Variants in ATRNL1 observed in about 807,000 individuals in gnomAD.
The protein encoded by ATRNL1 is attractin like 1.
ATRNL1 carries 95 observed loss-of-function variants against 182.7 expected under a neutral mutation model. The ratio of observed to expected loss-of-function variants is 0.52; its 90% CI spans 0.44 to 0.62. The LOEUF (loss-of-function observed/expected upper bound fraction) is 0.62, where lower values mean the gene tolerates loss of function less well. Ranked by LOEUF, ATRNL1 falls within the 20% of genes least tolerant of loss-of-function variation. The probability of loss-of-function intolerance (pLI) is 0.00; values close to 1 mark genes in which losing one functional copy is unlikely to be tolerated. For missense variants in ATRNL1, 1,471 were observed against 1,679.5 expected (o/e 0.88, Z 2.17); for synonymous variants, 576 against 568.3 (o/e 1.01, Z -0.19).
At chr10:115,370,182 T>C (rs943476090) in intron 19 of ATRNL1, among the ~76,000 whole-genome samples, 4 of 152,362 alleles carry the variant, frequency 2.6e-5, no homozygotes, top group Non-Finnish European at 4.4e-5. Context: ...TGTAAGTCCA[T>C]TAAACCTCTT....
intron 19 of ATRNL1, among the ~76,000 whole-genome samples, chr10:115,357,146 G>C (rs1478721714): frequency 6.6e-6 from 1 of 151,824 alleles, no homozygotes; most frequent in Admixed American, 6.6e-5. Context: ...AATAAAAATG[G>C]TTCTTATGCC....
chr10:115,482,832 G>T (rs1400483139), intron 24 of ATRNL1, among the ~76,000 whole-genome samples: 6 of 151,150 alleles, frequency 4.0e-5, no homozygotes, highest in African/African-American at 1.5e-4. Flanking sequence ...AGGCATAAAA[G>T]AAGTTAGAGG....
chr10:115,627,282 A>G (rs938651732), intron 26 of ATRNL1, among the ~76,000 whole-genome samples: 4 of 152,162 alleles, frequency 2.6e-5, no homozygotes, highest in Non-Finnish European at 2.9e-5. Flanking sequence ...CATAAATAGA[A>G]TTACACAGTA....
At chr10:115,699,016 G>A (rs926534854) in intron 26 of ATRNL1, among the ~76,000 whole-genome samples, 1 of 151,896 alleles carries the variant, frequency 6.6e-6, no homozygotes, top group South Asian at 2.1e-4. Context: ...AACAAAAATG[G>A]CTATTTAGGA....
intron 10 of ATRNL1, among the ~76,000 whole-genome samples, chr10:115,250,228 T>C (rs1850816054): frequency 6.6e-6 from 1 of 152,204 alleles, no homozygotes; most frequent in Non-Finnish European, 1.5e-5. Context: ...AACTAGCTCA[T>C]GATTGCAAAC....
intron 26 of ATRNL1, among the ~76,000 whole-genome samples, chr10:115,662,421 G>T (rs535169365): frequency 6.6e-6 from 1 of 152,134 alleles, no homozygotes; most frequent in Admixed American, 6.5e-5. Flanking sequence ...CAGGGATCTA[G>T]AACTAGAAAT....
At chr10:115,754,934 G>T (rs781815944) in intron 27 of ATRNL1, among the ~76,000 whole-genome samples, 4 of 152,146 alleles carry the variant, frequency 2.6e-5, no homozygotes, top group Non-Finnish European at 5.9e-5. Flanking sequence ...TGTAGGAATT[G>T]TGAATGGGAG....
intron 24 of ATRNL1, among the ~76,000 whole-genome samples, chr10:115,484,853 A>C (rs1235223246): frequency 4.0e-5 from 6 of 151,764 alleles, no homozygotes; most frequent in Non-Finnish European, 8.8e-5. Context: ...TATGTGGGGG[A>C]GACTAAGAAG....
intron 28 of ATRNL1, among the ~76,000 whole-genome samples, chr10:115,913,410 G>A (rs1952746192): frequency 6.6e-6 from 1 of 152,168 alleles, no homozygotes; most frequent in African/African-American, 2.4e-5. Flanking sequence ...CTGATTCAAA[G>A]CCCAGTTTTG....
intron 5 of ATRNL1, among the ~76,000 whole-genome samples, chr10:115,151,477 G>A (rs1339725814): frequency 6.6e-6 from 1 of 152,200 alleles, no homozygotes; most frequent in Non-Finnish European, 1.5e-5. Context: ...GGCCAGTGAT[G>A]ATGAGCATTT....
intron 26 of ATRNL1, among the ~76,000 whole-genome samples, chr10:115,695,937 C>T (rs886944035): frequency 4.0e-5 from 6 of 150,352 alleles, no homozygotes; most frequent in Admixed American, 6.6e-5. Flanking sequence ...CTTGCTCTGT[C>T]GCCCAGGCTG....
intron 24 of ATRNL1, among the ~76,000 whole-genome samples, chr10:115,513,215 A>G (rs1260828316): frequency 1.3e-5 from 2 of 152,040 alleles, no homozygotes; most frequent in Admixed American, 6.6e-5. Flanking sequence ...TAGACAGAGA[A>G]AAACTGAGAA....
In ATRNL1 at chr10:115,683,330, A is replaced by G. The variant is rs191321386; in HGVS notation, c.3796-43918A>G. On this transcript the variant is annotated intron_variant, in intron 26 of 28. Transcript: ENST00000355044. ...CAAACAAAAAGACACTGTCATTTAT[A>G]TAATTTTTATTATGATAAGCTTTCC... 7.4e-3 allele frequency among the ~76,000 whole-genome samples: 1,119 copies of G among 152,120 alleles called. 4 individuals carry two copies. Among genetic ancestry groups the G allele is most frequent in the Non-Finnish European group, 0.011 (719 of 67,924 alleles).
At chr10:115,789,858 A>G (rs192130451) in intron 27 of ATRNL1, among the ~76,000 whole-genome samples, 5 of 152,312 alleles carry the variant, frequency 3.3e-5, no homozygotes, top group Admixed American at 3.3e-4. Flanking sequence ...CTCCAGTACA[A>G]TTGAGGATTA....
At chr10:115,571,956 A>G (rs1413392712) in intron 26 of ATRNL1, among the ~76,000 whole-genome samples, 1 of 152,064 alleles carries the variant, frequency 6.6e-6, no homozygotes, top group Non-Finnish European at 1.5e-5. Context: ...TCAAGTTTAT[A>G]TACACACATA....
At chr10:115,465,029 T>A (rs1847987590) in intron 22 of ATRNL1, among the ~76,000 whole-genome samples, 1 of 151,732 alleles carries the variant, frequency 6.6e-6, no homozygotes, top group African/African-American at 2.4e-5. Flanking sequence ...CATTTAACGC[T>A]CACAAGAGCT....
At chr10:115,436,080 T>C (rs1014912657) in intron 21 of ATRNL1, among the ~76,000 whole-genome samples, 1 of 152,160 alleles carries the variant, frequency 6.6e-6, no homozygotes, top group African/African-American at 2.4e-5. Flanking sequence ...AAAGTTGCTT[T>C]AAGTTTATTA....
At chr10:115,466,859 A>G (rs1848075566) in intron 22 of ATRNL1, among the ~76,000 whole-genome samples, 2 of 151,180 alleles carry the variant, frequency 1.3e-5, no homozygotes, top group African/African-American at 2.4e-5. Flanking sequence ...CAAATATCAA[A>G]TTTAAACTAA....
intron 9 of ATRNL1, among the ~76,000 whole-genome samples, chr10:115,230,820 G>C (rs1554899754): frequency 1.4e-5 from 2 of 143,108 alleles, no homozygotes; most frequent in East Asian, 4.4e-4. Context: ...ATATTTTCAA[G>C]GTAGAACCAA....
Sources: gnomAD v4.1 joint callset for allele counts (sites outside exome capture counted in the v4.1 genomes callset) on GRCh38, gnomAD v4.1.1 for gene constraint, MANE v1.5 for transcripts, NCBI Gene and HGNC (gene_info 2026-07-23, HGNC 2026-07-21) for gene names.